Variants in AMBRA1 observed in about 807,000 individuals in gnomAD.
The protein encoded by AMBRA1 is autophagy and beclin 1 regulator 1.
Under a neutral mutation model 125.4 loss-of-function variants are expected in AMBRA1, and 47 were observed. That is an observed-to-expected ratio of 0.37 (90% CI 0.30 to 0.48). The LOEUF (loss-of-function observed/expected upper bound fraction) is 0.48, where lower values mean the gene tolerates loss of function less well. Among genes scored for constraint, AMBRA1 ranks in the 20% least tolerant of loss-of-function variants. The probability of loss-of-function intolerance (pLI) is 0.99; values close to 1 mark genes in which losing one functional copy is unlikely to be tolerated. For missense variants in AMBRA1, 1,331 were observed against 1,693.4 expected, an observed-to-expected ratio of 0.79 and a Z score of 3.76; for synonymous variants, 626 against 655.5, an observed-to-expected ratio of 0.95 and a Z score of 0.69.
intron 1 of AMBRA1, among the ~76,000 whole-genome samples, chr11:46,569,061 C>A (rs1323910093): frequency 6.6e-6 from 1 of 151,626 alleles, no homozygotes; most frequent in Admixed American, 6.6e-5. Flanking sequence ...CCTGCCTTGG[C>A]CTCCCAAAGT....
At position 46,494,143 on chromosome 11, in the gene AMBRA1, G is replaced by A. The variant is rs1017490334; in HGVS notation, c.2401C>T (p.Leu801Phe). 1.2e-6 allele frequency: 2 copies of A among 1,608,578 alleles called. No individual in the cohort carries two copies. The highest frequency in any genetic ancestry group is 1.7e-6 in the Non-Finnish European group (2 of 1,177,236). The change falls in exon 10 of 18, where the codon CTT becomes TTT. Residue 801 changes from leucine (L) to phenylalanine (F), a missense_variant. By Grantham distance (22) the Leu-to-Phe change is conservative (BLOSUM62 0). Transcript: ENST00000683756. ...PRNARMSAPS[L>F]GRFVPRRFLL... ...TCTTACCTTGGGACAAAGCGTCCAA[G>A]CGAAGGTGCAGACATCCGGGCATTG...
intron 7 of AMBRA1, among the ~76,000 whole-genome samples, chr11:46,513,593 C>A (rs1368769245): frequency 1.3e-5 from 2 of 152,138 alleles, no homozygotes; most frequent in African/African-American, 4.8e-5. Context: ...TGGCACATAA[C>A]TATTAAGAGA....
intron 7 of AMBRA1, 71 bp downstream of exon 7, chr11:46,541,874 T>C (rs1952760959): frequency 1.3e-6 from 2 of 1,568,852 alleles, no homozygotes; most frequent in Non-Finnish European, 1.7e-6. Context: ...AGCCACAACA[T>C]CTATAGGACT....
At chr11:46,577,255 C>T (rs534216972) in intron 1 of AMBRA1, among the ~76,000 whole-genome samples, 1 of 152,226 alleles carries the variant, frequency 6.6e-6, no homozygotes, top group African/African-American at 2.4e-5. Flanking sequence ...TGTATACACA[C>T]AATGGAATAT....
intron 14 of AMBRA1, among the ~76,000 whole-genome samples, chr11:46,429,932 G>C (rs756624898): frequency 2.6e-5 from 4 of 152,028 alleles, no homozygotes; most frequent in Non-Finnish European, 5.9e-5. Flanking sequence ...CAGAAAATAA[G>C]ATTCTGAGTC....
intron 7 of AMBRA1, among the ~76,000 whole-genome samples, chr11:46,534,841 T>C (rs1952390746): frequency 1.3e-5 from 2 of 152,034 alleles, no homozygotes; most frequent in Non-Finnish European, 2.9e-5. Context: ...GCCCAGCTAA[T>C]TTTTGAGCTT....
intron 16 of AMBRA1, among the ~76,000 whole-genome samples, chr11:46,409,351 C>A (rs1191478648): frequency 2.6e-5 from 4 of 152,134 alleles, no homozygotes; most frequent in Admixed American, 2.6e-4. Context: ...CAGGCATACA[C>A]CACCATGCTC....
intron 1 of AMBRA1, among the ~76,000 whole-genome samples, chr11:46,558,453 G>A (rs1016677434): frequency 7.3e-5 from 11 of 149,674 alleles, no homozygotes; most frequent in Admixed American, 6.7e-4. Context: ...GGAGGCTGAG[G>A]TAGGAGAATC....
intron 1 of AMBRA1, among the ~76,000 whole-genome samples, chr11:46,549,834 TG>T (rs1309229672): frequency 1.3e-5 from 2 of 149,966 alleles, no homozygotes; most frequent in African/African-American, 2.5e-5. Flanking sequence ...TTGGGGGGGG[TG>T]GGGGACAGAG....
At position 46,397,579 on chromosome 11, in the gene AMBRA1, A is replaced by G. The variant is rs1590692955; in HGVS notation, c.3768T>C (p.Ile1256=). 7 of 1,589,086 alleles carry G rather than the reference A, an allele frequency of 4.4e-6. No individual in the cohort carries two copies. In the East Asian group the frequency reaches 1.6e-4, roughly 36 times the overall value. ...PTLPSSSPVP[I]PVSLPSAEGP... is the part of the protein sequence containing the mutation. ...CCTCAGCGCTGGGAAGGGAAACAGG[A>G]ATGGGGACAGGGGAGGAAGAGGGCA... The change falls in exon 18 of 18, where the codon ATT becomes ATC. Residue 1256 remains isoleucine, a synonymous_variant. Coordinates refer to ENST00000683756, the MANE Select transcript of AMBRA1 (RefSeq NM_001387011.1).
rs1353724567 is a variant in AMBRA1, at chr11:46,542,649, A to C, written c.1368T>G (p.Gly456=). The change falls in exon 7 of 18, where the codon GGT becomes GGG. Residue 456 remains glycine, a synonymous_variant. Transcript: ENST00000683756. The surrounding 1 kb of genome is among the most constrained non-coding windows in gnomAD (Gnocchi z 5.9). ...SLLSVLRQQE[G]GSQASVYTSA... ...AAGTGTACACAGATGCCTGAGAGCCACCTTCCTGCTGTCTCAGCACAGACA... is the reference window on the plus strand; with the variant it reads ...AAGTGTACACAGATGCCTGAGAGCCCCCTTCCTGCTGTCTCAGCACAGACA... 1 of 1,614,074 alleles carries C rather than the reference A, an allele frequency of 6.2e-7. No homozygotes were observed. The highest frequency in any genetic ancestry group is 8.5e-7 in the Non-Finnish European group (1 of 1,180,016).
At chr11:46,593,243 G>T (rs747388256) in intron 1 of AMBRA1, among the ~76,000 whole-genome samples, 8 of 152,166 alleles carry the variant, frequency 5.3e-5, no homozygotes, top group African/African-American at 9.7e-5. Context: ...TAAGTGGGGG[G>T]AAGGGAATTG....
chr11:46,467,694 C>T (rs575858296), intron 11 of AMBRA1, among the ~76,000 whole-genome samples: 62 of 151,888 alleles, frequency 4.1e-4, no homozygotes, highest in Middle Eastern at 3.4e-3. Context: ...CCACCATACC[C>T]GGCTAATTTT....
intron 5 of AMBRA1, among the ~76,000 whole-genome samples, chr11:46,544,279 G>C (rs1426316586): frequency 6.6e-6 from 1 of 152,162 alleles, no homozygotes; most frequent in African/African-American, 2.4e-5. Context: ...AAAACACCTA[G>C]AGTTGCCATC....
rs1271814191 is a variant in AMBRA1, at chr11:46,545,769, C to A, written c.386G>T (p.Ser129Ile). The change falls in exon 5 of 18, where the codon AGT becomes ATT. Residue 129 changes from serine to isoleucine, a missense_variant. Physicochemically the swap from Ser to Ile is moderately radical, Grantham distance 142. Coordinates refer to ENST00000683756, the MANE Select transcript of AMBRA1 (RefSeq NM_001387011.1). Reference protein sequence around the residue: ...EVRIWDLHGGSESWFTDSNNA... With the variant: ...EVRIWDLHGGIESWFTDSNNA... ...GTTGCTATCTGTGAACCAGCTTTCACTGCCACCCTGTGAATGAACCAATTC... is the reference window on the plus strand; with the variant it reads ...GTTGCTATCTGTGAACCAGCTTTCAATGCCACCCTGTGAATGAACCAATTC... 6.2e-7 allele frequency: 1 copy of A among 1,613,830 alleles called. No individual in the cohort carries two copies. The highest frequency in any genetic ancestry group is 1.3e-5 in the African/African-American group (1 of 74,924).
In AMBRA1 at chr11:46,542,384, G is replaced by A. The variant is rs771074894; in HGVS notation, c.1633C>T (p.Pro545Ser). ...CTGTGTGGGGTGGGCTGGTGGGAAG[G>A]GCCTGGCCTCTCAGATTCAATGTTA... Reference protein sequence around the residue: ...NNNIESERPGPSHQPTPHSSE... With the variant: ...NNNIESERPGSSHQPTPHSSE... Residue 545 changes from proline to serine, a missense_variant, in exon 7 of 18, where the codon CCT becomes TCT. Physicochemically the swap from Pro to Ser is moderately conservative, Grantham distance 74. Coordinates refer to ENST00000683756, the MANE Select transcript of AMBRA1 (RefSeq NM_001387011.1). This position sits in a 1 kb window ranked among gnomAD's most constrained non-coding sequence, Gnocchi z 5.9. The A allele has an allele frequency of 5.0e-6, 8 of 1,614,082 alleles. No homozygotes were observed. The South Asian group carries it at 8.8e-5, about 18-fold the overall frequency.
intron 11 of AMBRA1, among the ~76,000 whole-genome samples, chr11:46,448,920 A>AT (rs1426040486): frequency 6.6e-6 from 1 of 152,226 alleles, no homozygotes; most frequent in Non-Finnish European, 1.5e-5. Flanking sequence ...AAATAGGCCT[A>AT]TATCTATTAA....
chr11:46,545,548 T>C, intron 5 of AMBRA1, 56 bp downstream of exon 5: 4 of 1,567,026 alleles, frequency 2.6e-6, no homozygotes, highest in Admixed American at 1.8e-5. Flanking sequence ...GCCAGTAGAA[T>C]GTTCTCTATC....
At chr11:46,518,094 A>T in intron 7 of AMBRA1, 4 of 984,460 alleles carry the variant, frequency 4.1e-6, no homozygotes, top group Non-Finnish European at 4.8e-6. Flanking sequence ...AAAATCTTAA[A>T]GTAAAATACT....
Sources: allele counts gnomAD v4.1 joint callset (sites outside exome capture counted in the v4.1 genomes callset), GRCh38; gene constraint gnomAD v4.1.1; non-coding constraint Gnocchi (gnomAD v3.1); transcripts MANE v1.5; gene names NCBI Gene and HGNC (gene_info 2026-07-23, HGNC 2026-07-21).